Variants in ARMH3 observed in about 807,000 individuals in gnomAD.
ARMH3 encodes armadillo-like helical domain-containing protein 3.
ARMH3 carries 60 observed loss-of-function variants against 99.1 expected under a neutral mutation model. The observed-to-expected ratio is 0.61, with a 90% CI of 0.49 to 0.75. The LOEUF (loss-of-function observed/expected upper bound fraction) is 0.75, where lower values mean the gene tolerates loss of function less well. Among genes scored for constraint, ARMH3 ranks in the 30% least tolerant of loss-of-function variants. The pLI, the probability that ARMH3 is intolerant of heterozygous loss-of-function variation, is 0.00. For missense variants in ARMH3, 679 were observed against 843.1 expected, an observed-to-expected ratio of 0.81 and a Z score of 2.41; for synonymous variants, 285 against 292.8, an observed-to-expected ratio of 0.97 and a Z score of 0.27.
At chr10:101,907,046 G>A (rs1457104389) in intron 23 of ARMH3, among the ~76,000 whole-genome samples, 2 of 152,096 alleles carry the variant, frequency 1.3e-5, no homozygotes, top group Non-Finnish European at 2.9e-5. Flanking sequence ...GAACAAGCAG[G>A]GATGAAAGAA....
At chr10:101,858,891 GTT>G (rs2066794219) in intron 24 of ARMH3, among the ~76,000 whole-genome samples, 1 of 152,150 alleles carries the variant, frequency 6.6e-6, no homozygotes, top group Admixed American at 6.5e-5. Flanking sequence ...CAGTCAACAT[GTT>G]TGCTGACTAA....
Position 102,006,523 on chromosome 10 carries a change from AGTG to A in ARMH3, c.1048+14_1048+16del. 1 of 1,605,656 alleles carries A rather than the reference AGTG, an allele frequency of 6.2e-7. No individual in the cohort carries two copies. Among genetic ancestry groups the A allele is most frequent in the Non-Finnish European group, 8.5e-7 (1 of 1,172,448 alleles). On this transcript the variant is annotated intron_variant, in intron 14 of 25. Coordinates refer to ENST00000370033, the MANE Select transcript of ARMH3 (RefSeq NM_024541.3). ...AGATCATATTAACCAAGAAAAACAAAGTGGTGGTGGGCTCACCATCAGAGGAAG... is the reference window on the plus strand; with the variant it reads ...AGATCATATTAACCAAGAAAAACAAAGTGGTGGGCTCACCATCAGAGGAAG...
intron 24 of ARMH3, among the ~76,000 whole-genome samples, chr10:101,860,787 A>G (rs1034646091): frequency 6.6e-6 from 1 of 152,232 alleles, no homozygotes; most frequent in Non-Finnish European, 1.5e-5. Flanking sequence ...AAGATGCCAC[A>G]ATAGTTACAC....
At chr10:101,923,628 ACT>A (rs1433352966) in intron 23 of ARMH3, among the ~76,000 whole-genome samples, 1 of 151,952 alleles carries the variant, frequency 6.6e-6, no homozygotes, top group Non-Finnish European at 1.5e-5. Context: ...TCTCCCACCT[ACT>A]CTCACTCCAA....
At chr10:101,854,575 T>C (rs2066687058) in intron 24 of ARMH3, among the ~76,000 whole-genome samples, 1 of 152,116 alleles carries the variant, frequency 6.6e-6, no homozygotes, top group African/African-American at 2.4e-5. Context: ...TTAAAACACT[T>C]TGCCTCAACT....
intron 23 of ARMH3, among the ~76,000 whole-genome samples, chr10:101,928,461 G>A (rs996074673): frequency 2.0e-5 from 3 of 152,122 alleles, no homozygotes; most frequent in African/African-American, 4.8e-5. Context: ...CAATAAAAAC[G>A]GGCCACAATC....
At chr10:102,034,493 G>A (rs921941069) in intron 2 of ARMH3, among the ~76,000 whole-genome samples, 21 of 151,880 alleles carry the variant, frequency 1.4e-4, no homozygotes, top group Middle Eastern at 3.4e-3. Context: ...AAAATTAGCC[G>A]GGCGTGGTGG....
chr10:101,964,162 C>T (rs1845435708), intron 20 of ARMH3, among the ~76,000 whole-genome samples: 1 of 152,144 alleles, frequency 6.6e-6, no homozygotes, highest in African/African-American at 2.4e-5. Context: ...AGGTGTAAGC[C>T]ACTGCGCCCG....
intron 5 of ARMH3, among the ~76,000 whole-genome samples, chr10:102,027,033 C>T (rs1196168660): frequency 2.0e-5 from 3 of 152,100 alleles, no homozygotes; most frequent in Non-Finnish European, 4.4e-5. Flanking sequence ...AATCCCAGCA[C>T]TTTGGGAGGC....
At chr10:101,944,127 G>A (rs1844368097) in intron 22 of ARMH3, among the ~76,000 whole-genome samples, 1 of 148,456 alleles carries the variant, frequency 6.7e-6, no homozygotes, top group South Asian at 2.1e-4. Context: ...AGGAAAATTT[G>A]AAAATGATGA....
intron 19 of ARMH3, 94 bp from the exon 20 acceptor site, chr10:101,975,394 A>G (rs1287742462): frequency 6.8e-6 from 6 of 877,100 alleles, no homozygotes; most frequent in Non-Finnish European, 1.1e-5. Flanking sequence ...TGCTAAGGCC[A>G]CTAAAGACAC....
chr10:101,946,688 C>A (rs1844547652), intron 22 of ARMH3, among the ~76,000 whole-genome samples: 1 of 152,040 alleles, frequency 6.6e-6, no homozygotes, highest in African/African-American at 2.4e-5. Flanking sequence ...AAAGTCTAAT[C>A]TTTGTGATAC....
intron 24 of ARMH3, among the ~76,000 whole-genome samples, chr10:101,857,459 C>T (rs2066761606): frequency 6.6e-6 from 1 of 152,078 alleles, no homozygotes; most frequent in Non-Finnish European, 1.5e-5. Flanking sequence ...AAAAATAGTG[C>T]TGAGCATACC....
chr10:101,937,996 T>G (rs1216181710), intron 23 of ARMH3, among the ~76,000 whole-genome samples: 1 of 152,044 alleles, frequency 6.6e-6, no homozygotes, highest in Non-Finnish European at 1.5e-5. Flanking sequence ...CCTGAGTAGC[T>G]GGGACTACAG....
intron 1 of ARMH3, among the ~76,000 whole-genome samples, chr10:102,055,624 GA>G (rs2067827578): frequency 6.6e-6 from 1 of 152,166 alleles, no homozygotes; most frequent in Non-Finnish European, 1.5e-5. Flanking sequence ...GACAGGACTG[GA>G]GCCCTTCCGG....
intron 23 of ARMH3, among the ~76,000 whole-genome samples, chr10:101,939,581 C>G (rs918332163): frequency 4.6e-5 from 7 of 152,164 alleles, no homozygotes; most frequent in Non-Finnish European, 8.8e-5. Flanking sequence ...ATGACCTATA[C>G]ATAGAGAACA....
intron 4 of ARMH3, among the ~76,000 whole-genome samples, chr10:102,030,934 C>T (rs926997495): frequency 6.6e-6 from 1 of 151,928 alleles, no homozygotes; most frequent in African/African-American, 2.4e-5. Flanking sequence ...TACAGGTGTG[C>T]ACCACCACGC....
intron 23 of ARMH3, among the ~76,000 whole-genome samples, chr10:101,893,440 T>TTTA (rs1026479358): frequency 3.2e-4 from 49 of 152,130 alleles, no homozygotes; most frequent in Non-Finnish European, 5.4e-4. Context: ...GTTCTTGTTT[T>TTTA]TTATTATTAT....
At chr10:101,946,204 G>C (rs1018110022) in intron 22 of ARMH3, among the ~76,000 whole-genome samples, 1 of 151,370 alleles carries the variant, frequency 6.6e-6, no homozygotes, top group Admixed American at 6.6e-5. Flanking sequence ...ACAGATATCT[G>C]AGATGGCACA....
Sources: allele counts gnomAD v4.1 joint callset (sites outside exome capture counted in the v4.1 genomes callset), GRCh38; gene constraint gnomAD v4.1.1; transcripts MANE v1.5; gene names NCBI Gene and HGNC (gene_info 2026-07-23, HGNC 2026-07-21).